IFT88: variants seen among roughly 807,000 people sequenced by gnomAD.
IFT88 encodes intraflagellar transport protein 88 homolog.
In IFT88, 74 loss-of-function variants were observed where a neutral mutation model predicts 119.5. The observed-to-expected ratio is 0.62, with a 90% CI of 0.51 to 0.75. The LOEUF is 0.75. Ranked by LOEUF, IFT88 falls within the 30% of genes least tolerant of loss-of-function variation. The pLI is 0.00. For synonymous variants in IFT88, 279 were observed against 316.7 expected (o/e 0.88, Z 1.26); for missense variants, 961 against 977.7 (o/e 0.98, Z 0.23).
intron 15 of IFT88, among the ~76,000 whole-genome samples, chr13:20,627,870 T>C (rs1005726456): frequency 6.6e-6 from 1 of 152,206 alleles, no homozygotes; most frequent in East Asian, 1.9e-4. Flanking sequence ...TGTGCTTTCC[T>C]AGCTCTTCTT....
At chr13:20,687,827 G>T (rs2058094585) in intron 24 of IFT88, among the ~76,000 whole-genome samples, 3 of 152,058 alleles carry the variant, frequency 2.0e-5, no homozygotes, top group Admixed American at 2.0e-4. Context: ...TTCTTTGGAG[G>T]CCAAAAAGAT....
intron 3 of IFT88, among the ~76,000 whole-genome samples, chr13:20,588,534 T>C (rs1422388207): frequency 6.6e-6 from 1 of 152,216 alleles, no homozygotes. Flanking sequence ...CTACTCAGTA[T>C]GAGAGACACT....
At chr13:20,614,436 G>C (rs2045232443) in intron 13 of IFT88, 1 of 152,090 alleles carries the variant, frequency 6.6e-6, no homozygotes, top group East Asian at 1.9e-4. Flanking sequence ...AGATCTGAAG[G>C]GAAGTATACT....
At position 20,582,132 on chromosome 13, in the gene IFT88, G is replaced by A. The variant is rs369552004; in HGVS notation, c.91-825G>A. Among the ~76,000 whole-genome samples, 11 of 152,156 alleles carry A rather than the reference G, an allele frequency of 7.2e-5. No individual in the cohort carries two copies. In the East Asian group the frequency reaches 1.7e-3, roughly 24 times the overall value. On this transcript the variant is annotated intron_variant, in intron 2 of 25. Coordinates refer to ENST00000351808, the MANE Select transcript of IFT88 (RefSeq NM_006531.5). Reference sequence around the variant, plus strand: ...TTAATGTGTCTGAAGGGTTAAAGCCGGAGTGTGTGTTAGAGAAGGGGAAGT... The same window carrying A: ...TTAATGTGTCTGAAGGGTTAAAGCCAGAGTGTGTGTTAGAGAAGGGGAAGT...
chr13:20,600,150 T>C (rs925658143), intron 11 of IFT88, among the ~76,000 whole-genome samples: 1 of 152,138 alleles, frequency 6.6e-6, no homozygotes, highest in Non-Finnish European at 1.5e-5. Context: ...ATACCATCTT[T>C]TAAGATCATT....
chr13:20,638,928 G>T (rs779820373), intron 17 of IFT88, among the ~76,000 whole-genome samples: 3 of 152,132 alleles, frequency 2.0e-5, no homozygotes, highest in Admixed American at 2.0e-4. Context: ...AAGTACCCAT[G>T]TACCTATCAC....
intron 1 of IFT88, chr13:20,567,864 GTTTGT>G: frequency 5.6e-6 from 5 of 887,766 alleles, no homozygotes; most frequent in Non-Finnish European, 8.1e-6. Flanking sequence ...AGTTTTTTTT[GTTTGT>G]TTTTTTTTTT....
At chr13:20,646,782 T>C (rs1188620990) in intron 20 of IFT88, among the ~76,000 whole-genome samples, 2 of 151,896 alleles carry the variant, frequency 1.3e-5, no homozygotes, top group East Asian at 1.9e-4. Context: ...CTTCTGACTT[T>C]AATTCTGAGC....
intron 14 of IFT88, among the ~76,000 whole-genome samples, chr13:20,621,005 G>A (rs1166780904): frequency 2.0e-5 from 3 of 152,110 alleles, no homozygotes; most frequent in Admixed American, 6.5e-5. Flanking sequence ...CTCAGTCTTC[G>A]TAACTGTGAA....
chr13:20,648,116 G>T (rs764449354), intron 20 of IFT88, among the ~76,000 whole-genome samples: 29 of 152,274 alleles, frequency 1.9e-4, no homozygotes, highest in Non-Finnish European at 3.7e-4. Context: ...CTGTATCCTG[G>T]CCAAGCGTGA....
chr13:20,640,081 C>T (rs527819210), intron 17 of IFT88, among the ~76,000 whole-genome samples: 29 of 152,024 alleles, frequency 1.9e-4, no homozygotes, highest in African/African-American at 6.7e-4. Flanking sequence ...TGGGCCACCA[C>T]GCCTGGCCAA....
At position 20,641,273 on chromosome 13, in the gene IFT88, T is replaced by C. The variant is rs766983294; in HGVS notation, c.1574-17T>C. ...AATGATACTTATAGATTTTCTTTTT[T>C]TTCTTCTTTTTTTAAGGCCTTACCT... On this transcript the variant is annotated splice_polypyrimidine_tract_variant and intron_variant, in intron 17 of 25. Transcript: ENST00000351808. The C allele has an allele frequency of 4.8e-6, 7 of 1,463,674 alleles. No individual in the cohort carries two copies. The highest frequency in any genetic ancestry group is 1.4e-5 in the African/African-American group (1 of 71,012). The allele number at this position is 1,463,674 out of a possible 1,614,324, so 90.7% of individuals were successfully genotyped here.
At chr13:20,659,036 A>G (rs2053356737) in intron 22 of IFT88, among the ~76,000 whole-genome samples, 1 of 152,242 alleles carries the variant, frequency 6.6e-6, no homozygotes, top group Non-Finnish European at 1.5e-5. Context: ...ATTTACACCC[A>G]TGGAATGTGC....
At chr13:20,580,605 A>G (rs567459854) in intron 2 of IFT88, among the ~76,000 whole-genome samples, 17 of 152,304 alleles carry the variant, frequency 1.1e-4, no homozygotes, top group African/African-American at 4.1e-4. Context: ...TATTGTAGAT[A>G]ACATTGTAGT....
At chr13:20,625,944 T>A (rs986780562) in intron 15 of IFT88, 95 bp downstream of exon 15, 9 of 465,420 alleles carry the variant, frequency 1.9e-5, no homozygotes, top group Non-Finnish European at 3.3e-5. Context: ...ATGTTATCTG[T>A]GATTATTCTG....
Position 20,646,463 on chromosome 13 carries a change from C to T in IFT88, c.1949+1505C>T, listed in dbSNP as rs557456114. Among the ~76,000 whole-genome samples, 99 of 90,100 alleles carry T rather than the reference C, an allele frequency of 1.1e-3. No homozygotes were observed. In the Middle Eastern group the frequency reaches 0.025, roughly 22 times the overall value. 59.1% of individuals were successfully genotyped at this position (90,100 alleles called of 152,430 possible). A position where few individuals can be genotyped will look rare whatever the true frequency, so the allele number is the denominator to read the frequency against. ...GATTACAGGCACATGCCACTGCACC[C>T]GGCTAATTTTTGTTTTTGTTTTTGT... On this transcript the variant is annotated intron_variant, in intron 20 of 25. Coordinates refer to ENST00000351808, the MANE Select transcript of IFT88 (RefSeq NM_006531.5).
chr13:20,593,458 A>G (rs2041078701), intron 7 of IFT88, among the ~76,000 whole-genome samples: 1 of 151,860 alleles, frequency 6.6e-6, no homozygotes, highest in Admixed American at 6.6e-5. Flanking sequence ...CTCTGGAACT[A>G]GAACTGGAAT....
At chr13:20,642,855 A>G (rs933167809) in intron 18 of IFT88, 3 of 152,104 alleles carry the variant, frequency 2.0e-5, no homozygotes, top group Admixed American at 6.6e-5. Context: ...TCTTGTCACC[A>G]TTGAAAACAA....
At chr13:20,686,027 T>G (rs1216660586) in intron 24 of IFT88, among the ~76,000 whole-genome samples, 1 of 147,968 alleles carries the variant, frequency 6.8e-6, no homozygotes, top group Non-Finnish European at 1.5e-5. Flanking sequence ...AATTCCAAGT[T>G]GAATTATGTT....
Sources: gnomAD v4.1 joint callset for allele counts (sites outside exome capture counted in the v4.1 genomes callset) on GRCh38, gnomAD v4.1.1 for gene constraint, MANE v1.5 for transcripts, NCBI Gene and HGNC (gene_info 2026-07-23, HGNC 2026-07-21) for gene names.